The following ATP13A4 variants were observed in gnomAD, a reference collection of about 807,000 sequenced individuals.
The protein encoded by ATP13A4 is probable cation-transporting ATPase 13A4.
ATP13A4 carries 114 observed loss-of-function variants against 142.5 expected under a neutral mutation model. That is an observed-to-expected ratio of 0.80 (90% CI 0.69 to 0.93). The LOEUF is 0.93. Ranked by LOEUF, ATP13A4 falls within the 40% of genes least tolerant of loss-of-function variation. The pLI, the probability that ATP13A4 is intolerant of heterozygous loss-of-function variation, is 0.00. For missense variants in ATP13A4, 1,392 were observed against 1,454.0 expected (o/e 0.96, Z 0.69); for synonymous variants, 488 against 514.8 (o/e 0.95, Z 0.70).
chr3:193,542,566 T>C (rs962278029), intron 1 of ATP13A4, among the ~76,000 whole-genome samples: 2 of 151,910 alleles, frequency 1.3e-5, no homozygotes, highest in Admixed American at 1.3e-4. Context: ...TCAGGCTACC[T>C]GACTTCAAAC....
intron 25 of ATP13A4, among the ~76,000 whole-genome samples, chr3:193,415,417 G>A (rs111576688): frequency 1.3e-3 from 202 of 152,294 alleles, no homozygotes; most frequent in African/African-American, 4.7e-3. Flanking sequence ...CTGCAACCAA[G>A]TGAACACTGA....
intron 1 of ATP13A4, among the ~76,000 whole-genome samples, chr3:193,546,906 A>G (rs1274750075): frequency 6.6e-6 from 1 of 152,240 alleles, no homozygotes; most frequent in Admixed American, 6.5e-5. Context: ...CTATGTGTAA[A>G]GTTCTTAGTC....
intron 2 of ATP13A4, among the ~76,000 whole-genome samples, chr3:193,512,384 C>T (rs1009985726): frequency 2.6e-5 from 4 of 152,076 alleles, no homozygotes. Context: ...ATGGGAGGGC[C>T]ACTCATAGCA....
chr3:193,547,906 G>A (rs1003261447), intron 1 of ATP13A4, among the ~76,000 whole-genome samples: 3 of 152,168 alleles, frequency 2.0e-5, no homozygotes, highest in East Asian at 1.9e-4. Flanking sequence ...ACGGCCACTC[G>A]ATTGTGAGCT....
intron 5 of ATP13A4, 36 bp downstream of exon 5, chr3:193,492,881 C>T (rs766462061): frequency 1.3e-6 from 2 of 1,485,888 alleles, no homozygotes. Flanking sequence ...GATAATAATC[C>T]TTTTGAGCTA....
At position 193,502,608 on chromosome 3, in the gene ATP13A4, AC is replaced by A; in HGVS notation, c.265del (p.Val89Ter). The A allele has an allele frequency of 6.2e-7, 1 of 1,613,988 alleles. No homozygotes were observed. The highest frequency in any genetic ancestry group is 8.5e-7 in the Non-Finnish European group (1 of 1,179,914). ...TAATGCTGACAGGTAGATCCATATT[AC>A]CTTTTTCCAAGAGTAAATTTGGAAT... ...DEFQIYSWKK[V>X]IWIYLSALNS... On this transcript the variant is annotated frameshift_variant, in exon 3 of 30. Transcript: ENST00000342695. LOFTEE classifies it high-confidence loss of function.
At chr3:193,428,640 A>G (rs904338413) in intron 25 of ATP13A4, among the ~76,000 whole-genome samples, 7 of 152,054 alleles carry the variant, frequency 4.6e-5, no homozygotes, top group African/African-American at 1.7e-4. Context: ...CGTCCTTTGT[A>G]GAGACATGGA....
At chr3:193,410,085 G>C (rs1249247563) in intron 28 of ATP13A4, among the ~76,000 whole-genome samples, 1 of 152,144 alleles carries the variant, frequency 6.6e-6, no homozygotes, top group Non-Finnish European at 1.5e-5. Flanking sequence ...AGTAGGATAG[G>C]TTAAGGGGAT....
chr3:193,430,752 G>C (rs1244986238), intron 25 of ATP13A4, among the ~76,000 whole-genome samples: 1 of 152,098 alleles, frequency 6.6e-6, no homozygotes, highest in Non-Finnish European at 1.5e-5. Flanking sequence ...AATGTGGGTA[G>C]AGGTGAAGTT....
At chr3:193,403,044 T>C (rs922392161) in intron 29 of ATP13A4, among the ~76,000 whole-genome samples, 180 bp from the exon 30 acceptor site, 10 of 152,164 alleles carry the variant, frequency 6.6e-5, no homozygotes, top group Admixed American at 4.6e-4. Context: ...CTCAAACGTT[T>C]CTACTTAAGT....
At chr3:193,483,905 T>C (rs1407160534) in intron 8 of ATP13A4, 31 bp downstream of exon 8, 1 of 1,454,942 alleles carries the variant, frequency 6.9e-7, no homozygotes, top group African/African-American at 1.4e-5. Context: ...TCCATGTGAA[T>C]AGCATATAGA....
chr3:193,570,332 T>A (rs1013361387), intron 2 of ATP13A4, among the ~76,000 whole-genome samples: 1 of 152,162 alleles, frequency 6.6e-6, no homozygotes, highest in African/African-American at 2.4e-5. Context: ...AAAAAATATG[T>A]TTGCTTAGTA....
intron 1 of ATP13A4, among the ~76,000 whole-genome samples, chr3:193,592,152 T>C (rs1437685256): frequency 1.4e-5 from 1 of 73,132 alleles, no homozygotes; most frequent in Non-Finnish European, 2.6e-5. Flanking sequence ...GGGGGGCGGG[T>C]AGTGGGGAGG....
At chr3:193,457,347 G>T in intron 15 of ATP13A4, 32 bp downstream of exon 15, 4 of 1,608,142 alleles carry the variant, frequency 2.5e-6, no homozygotes, top group Non-Finnish European at 3.4e-6. Context: ...TTGAGTTTGG[G>T]TGTTGTGGGG....
chr3:193,414,395 G>A lies in ATP13A4; in HGVS notation c.3014+184C>T, dbSNP rs529410574. Among the ~76,000 whole-genome samples, 10 of 152,202 alleles carry A rather than the reference G, an allele frequency of 6.6e-5. No homozygotes were observed. The South Asian group carries it at 2.1e-3, about 32-fold the overall frequency. The stretch of plus-strand genomic sequence containing the variant: ...CAAAGATAAGTGCTAATGAATGAAT[G>A]ATACATTCATTAGCATTAAATCATG... On this transcript the variant is annotated intron_variant, in intron 26 of 29. Transcript: ENST00000342695.
intron 1 of ATP13A4, 89 bp from the exon 2 acceptor site, chr3:193,514,960 G>A: frequency 7.0e-7 from 1 of 1,430,134 alleles, no homozygotes; most frequent in Non-Finnish European, 9.7e-7. Flanking sequence ...GGAAATGGGG[G>A]CAGAGTGAAG....
intron 2 of ATP13A4, among the ~76,000 whole-genome samples, chr3:193,507,190 T>C (rs2108679959): frequency 6.6e-6 from 1 of 152,204 alleles, no homozygotes; most frequent in East Asian, 1.9e-4. Flanking sequence ...ATTGCAATGC[T>C]AAAAGGCTGA....
intron 14 of ATP13A4, among the ~76,000 whole-genome samples, chr3:193,458,117 A>G (rs1288797569): frequency 6.6e-6 from 1 of 152,200 alleles, no homozygotes; most frequent in African/African-American, 2.4e-5. Flanking sequence ...GTTATATTAG[A>G]TTGCTATGAA....
intron 20 of ATP13A4, 92 bp downstream of exon 20, chr3:193,441,374 C>T: frequency 6.7e-7 from 1 of 1,499,508 alleles, no homozygotes; most frequent in Non-Finnish European, 9.3e-7. Flanking sequence ...TATATTTTAC[C>T]TGTCTCAAGA....
Sources: gnomAD v4.1 joint callset for allele counts (sites outside exome capture counted in the v4.1 genomes callset) on GRCh38, gnomAD v4.1.1 for gene constraint, MANE v1.5 for transcripts, NCBI Gene and HGNC (gene_info 2026-07-23, HGNC 2026-07-21) for gene names.